The following RBMS3 variants were observed in gnomAD, a reference collection of about 807,000 sequenced individuals.
RBMS3 encodes RNA-binding motif, single-stranded-interacting protein 3.
In RBMS3, 27 loss-of-function variants were observed where a neutral mutation model predicts 66.8. The ratio of observed to expected loss-of-function variants is 0.40; its 90% CI spans 0.30 to 0.56. RBMS3 has a LOEUF of 0.56. RBMS3 is among the 20% of genes least tolerant of loss of function. The probability of loss-of-function intolerance (pLI) is 0.40; values close to 1 mark genes in which losing one functional copy is unlikely to be tolerated. For missense variants in RBMS3, 513 were observed against 549.5 expected (o/e 0.93, Z 0.66); for synonymous variants, 188 against 183.0 (o/e 1.03, Z -0.22).
At chr3:29,585,083 T>G (rs1263047778) in intron 3 of RBMS3, among the ~76,000 whole-genome samples, 1 of 152,158 alleles carries the variant, frequency 6.6e-6, no homozygotes, top group African/African-American at 2.4e-5. Context: ...GTTGCATGCA[T>G]GGGAACTGAG....
intron 1 of RBMS3, among the ~76,000 whole-genome samples, chr3:29,301,138 C>A (rs1394036834): frequency 6.6e-6 from 1 of 151,916 alleles, no homozygotes; most frequent in Non-Finnish European, 1.5e-5. Context: ...AAAACTGAAG[C>A]ATGATCTAAA....
chr3:29,698,953 C>G (rs1320267454), intron 4 of RBMS3, among the ~76,000 whole-genome samples: 1 of 152,058 alleles, frequency 6.6e-6, no homozygotes, highest in Non-Finnish European at 1.5e-5. Context: ...TATCTTGGTG[C>G]TCCTTTATAA....
At chr3:29,563,628 A>G (rs960457610) in intron 3 of RBMS3, among the ~76,000 whole-genome samples, 5 of 152,206 alleles carry the variant, frequency 3.3e-5, no homozygotes, top group African/African-American at 1.2e-4. Flanking sequence ...GAGGGCTTAC[A>G]TTATACCAGT....
chr3:29,913,614 A>G (rs1314936477), intron 10 of RBMS3, among the ~76,000 whole-genome samples: 1 of 152,028 alleles, frequency 6.6e-6, no homozygotes, highest in Non-Finnish European at 1.5e-5. Context: ...CTTATTTAGC[A>G]TAGAGAAAAT....
intron 3 of RBMS3, among the ~76,000 whole-genome samples, chr3:29,545,299 G>A (rs889577178): frequency 1.3e-5 from 2 of 151,906 alleles, no homozygotes; most frequent in Non-Finnish European, 2.9e-5. Flanking sequence ...CAGATTATAC[G>A]ATTAGAAATA....
At chr3:29,482,707 T>TTTTC (rs1553609373) in intron 2 of RBMS3, among the ~76,000 whole-genome samples, 1 of 109,580 alleles carries the variant, frequency 9.1e-6, no homozygotes, top group African/African-American at 4.2e-5. Flanking sequence ...CTTTCTTTTT[T>TTTTC]TTTTTTTTTT....
At chr3:29,849,876 C>T (rs2058889329) in intron 6 of RBMS3, among the ~76,000 whole-genome samples, 1 of 152,184 alleles carries the variant, frequency 6.6e-6, no homozygotes, top group South Asian at 2.1e-4. Context: ...AGTATCAGCT[C>T]AGACACTGGA....
In RBMS3 at chr3:29,507,766, T is replaced by A. The variant is rs948036489; in HGVS notation, c.307+19267T>A. On this transcript the variant is annotated intron_variant, in intron 3 of 14. Coordinates refer to ENST00000383767, the MANE Select transcript of RBMS3 (RefSeq NM_001003793.3). ...AAATTATATAATTGTATCCATGATCTGACCACAATTCTCTAAACATAATGC... is the reference window on the plus strand; with the variant it reads ...AAATTATATAATTGTATCCATGATCAGACCACAATTCTCTAAACATAATGC... 9.2e-5 allele frequency among the ~76,000 whole-genome samples: 14 copies of A among 152,254 alleles called. 1 individual carries two copies. The highest frequency in any genetic ancestry group is 6.8e-3 in the Middle Eastern group (2 of 294).
chr3:29,908,955 A>G lies in RBMS3; in HGVS notation c.939+9200A>G, dbSNP rs539358421. Among the ~76,000 whole-genome samples, 7 of 152,284 alleles carry G rather than the reference A, an allele frequency of 4.6e-5. No individual in the cohort carries two copies. In the East Asian group the frequency reaches 1.4e-3, roughly 30 times the overall value. ...ATAAAGAAGCCTCTGTGAACAGTTA[A>G]GGACAGAGAAGAACAATGACATAAA... On this transcript the variant is annotated intron_variant, in intron 10 of 14. Coordinates refer to ENST00000383767, the MANE Select transcript of RBMS3 (RefSeq NM_001003793.3).
intron 6 of RBMS3, among the ~76,000 whole-genome samples, chr3:29,794,203 A>G (rs528233335): frequency 3.6e-4 from 55 of 152,114 alleles, no homozygotes; most frequent in Non-Finnish European, 6.8e-4. Flanking sequence ...CTACTACACC[A>G]TTGGACCCTG....
chr3:29,702,288 AGTGTGGACTTGGAGAACTTTT>A (rs941579321), intron 4 of RBMS3, among the ~76,000 whole-genome samples: 3 of 152,012 alleles, frequency 2.0e-5, no homozygotes, highest in African/African-American at 7.2e-5. Flanking sequence ...TAGCTAATCT[AGTGTGGACTTGGAGAACTTTT>A]GTGTCTAGCT....
At chr3:29,637,868 A>C (rs974103371) in intron 4 of RBMS3, among the ~76,000 whole-genome samples, 3 of 151,842 alleles carry the variant, frequency 2.0e-5, no homozygotes, top group African/African-American at 7.2e-5. Context: ...ACAACACTCA[A>C]ATTATCCAAG....
chr3:29,590,088 T>TA (rs1394980416), intron 4 of RBMS3, among the ~76,000 whole-genome samples: 5 of 138,818 alleles, frequency 3.6e-5, no homozygotes, highest in African/African-American at 1.2e-4. Context: ...AGGAGTTTAT[T>TA]TATTTTTTTT....
Position 30,006,632 on chromosome 3 carries a change from C to T in RBMS3, c.*2770C>T, listed in dbSNP as rs893986901. On this transcript the variant is annotated 3_prime_UTR_variant, in exon 15 of 15. Coordinates refer to ENST00000383767, the MANE Select transcript of RBMS3 (RefSeq NM_001003793.3). The stretch of plus-strand genomic sequence containing the variant: ...TGTATGAGAACCATATTTTCTGTTT[C>T]TCTTTTTCACTCTCTAAACTCTTTT... 1.3e-5 allele frequency: 2 copies of T among 151,836 alleles called. No individual in the cohort carries two copies. The highest frequency in any genetic ancestry group is 2.9e-5 in the Non-Finnish European group (2 of 67,816). 9.4% of individuals were successfully genotyped at this position (151,836 alleles called of 1,614,324 possible). A position where few individuals can be genotyped will look rare whatever the true frequency, so the allele number is the denominator to read the frequency against.
intron 3 of RBMS3, among the ~76,000 whole-genome samples, chr3:29,507,235 T>C (rs1212850037): frequency 6.6e-6 from 1 of 151,936 alleles, no homozygotes; most frequent in Non-Finnish European, 1.5e-5. Flanking sequence ...CAAGAGTCAA[T>C]AAACTTTCCA....
rs772769341 is a variant in RBMS3 at position 29,860,751 on chromosome 3, GTT to G, written c.638-8105_638-8104del. 2.2e-3 allele frequency among the ~76,000 whole-genome samples: 338 copies of G among 152,294 alleles called. 2 individuals carry two copies. Among genetic ancestry groups the G allele is most frequent in the Non-Finnish European group, 2.0e-3 (138 of 68,030 alleles). ...ATGGACTGTGTTAAAATGCTCCTGAGTTTCATTATCATCCTTCTATTAGTATC... is the reference window on the plus strand; with the variant it reads ...ATGGACTGTGTTAAAATGCTCCTGAGTCATTATCATCCTTCTATTAGTATC... On this transcript the variant is annotated intron_variant, in intron 6 of 14. Coordinates refer to ENST00000383767, the MANE Select transcript of RBMS3 (RefSeq NM_001003793.3).
chr3:29,518,240 A>C (rs1231688174), intron 3 of RBMS3, among the ~76,000 whole-genome samples: 2 of 152,196 alleles, frequency 1.3e-5, no homozygotes, highest in African/African-American at 4.8e-5. Context: ...AATTTGGAGA[A>C]ATACTAAACC....
intron 1 of RBMS3, among the ~76,000 whole-genome samples, chr3:29,363,486 C>T (rs1370697558): frequency 1.3e-5 from 2 of 152,074 alleles, no homozygotes; most frequent in African/African-American, 2.4e-5. Context: ...AGTCAATTGA[C>T]ACTCAAATTA....
chr3:29,490,498 G>A (rs1387223379), intron 3 of RBMS3, among the ~76,000 whole-genome samples: 1 of 152,150 alleles, frequency 6.6e-6, no homozygotes, highest in African/African-American at 2.4e-5. Flanking sequence ...GTGCCTCTTG[G>A]TGAGGTAAGA....
Sources: allele counts gnomAD v4.1 joint callset (sites outside exome capture counted in the v4.1 genomes callset), GRCh38; gene constraint gnomAD v4.1.1; transcripts MANE v1.5; gene names NCBI Gene and HGNC (gene_info 2026-07-23, HGNC 2026-07-21).